DENND1A: variants seen among roughly 807,000 people sequenced by gnomAD.
DENND1A encodes the protein DENN domain-containing protein 1A.
DENND1A carries 51 observed loss-of-function variants against 113.7 expected under a neutral mutation model. The observed-to-expected ratio is 0.45, with a 90% CI of 0.36 to 0.57. The LOEUF (loss-of-function observed/expected upper bound fraction) is 0.57, where lower values mean the gene tolerates loss of function less well. Ranked by LOEUF, DENND1A falls within the 20% of genes least tolerant of loss-of-function variation. The pLI is 0.00. For missense variants in DENND1A, 1,258 were observed against 1,395.9 expected, an observed-to-expected ratio of 0.90 and a Z score of 1.57; for synonymous variants, 565 against 570.8, an observed-to-expected ratio of 0.99 and a Z score of 0.14.
chr9:123,896,793 G>T (rs755908042), intron 1 of DENND1A, among the ~76,000 whole-genome samples: 1 of 152,112 alleles, frequency 6.6e-6, no homozygotes, highest in African/African-American at 2.4e-5. Context: ...TGAACTTAAA[G>T]AAATGATACA....
At chr9:123,765,296 C>G (rs893066439) in intron 4 of DENND1A, among the ~76,000 whole-genome samples, 1 of 152,038 alleles carries the variant, frequency 6.6e-6, no homozygotes, top group Non-Finnish European at 1.5e-5. Context: ...GTAGTGAGAC[C>G]TTGGGTAGTT....
intron 1 of DENND1A, among the ~76,000 whole-genome samples, chr9:123,886,636 A>G (rs930445470): frequency 1.2e-4 from 18 of 152,208 alleles, no homozygotes; most frequent in Non-Finnish European, 1.9e-4. Flanking sequence ...AGCTAGAAAA[A>G]CAAGCAAAAA....
At chr9:123,853,507 T>C (rs185262362) in intron 2 of DENND1A, among the ~76,000 whole-genome samples, 102 of 151,674 alleles carry the variant, frequency 6.7e-4, no homozygotes, top group Non-Finnish European at 1.0e-3. Context: ...CTACTAAAAA[T>C]ACAGAAATTA....
intron 1 of DENND1A, among the ~76,000 whole-genome samples, chr9:123,899,560 T>TG (rs1184228658): frequency 8.5e-5 from 13 of 152,340 alleles, no homozygotes; most frequent in African/African-American, 3.1e-4. Flanking sequence ...TGCTACTCCC[T>TG]GTCTATTCTG....
chr9:123,914,315 G>A (rs1854645921), intron 1 of DENND1A, among the ~76,000 whole-genome samples: 2 of 151,776 alleles, frequency 1.3e-5, no homozygotes, highest in African/African-American at 2.4e-5. Context: ...GAGGTGGGTG[G>A]ATCACGAGGT....
chr9:123,673,499 T>C (rs1249151838), intron 6 of DENND1A, among the ~76,000 whole-genome samples: 2 of 152,242 alleles, frequency 1.3e-5, no homozygotes, highest in African/African-American at 4.8e-5. Flanking sequence ...TCTTATACTT[T>C]CCCTGCCTCA....
chr9:123,825,754 G>A (rs1221075833), intron 2 of DENND1A, among the ~76,000 whole-genome samples: 1 of 152,230 alleles, frequency 6.6e-6, no homozygotes. Context: ...GGAAGATGTG[G>A]TTGACTGTAA....
At chr9:123,644,378 CAAAAAA>C (rs10541486) in intron 9 of DENND1A, among the ~76,000 whole-genome samples, 2 of 84,062 alleles carry the variant, frequency 2.4e-5, no homozygotes, top group Non-Finnish European at 4.3e-5. Flanking sequence ...TTACAAGCTA[CAAAAAA>C]AAAAAAAAAA....
At chr9:123,892,783 A>C (rs1382309912) in intron 1 of DENND1A, among the ~76,000 whole-genome samples, 1 of 152,216 alleles carries the variant, frequency 6.6e-6, no homozygotes, top group Non-Finnish European at 1.5e-5. Context: ...GGAGTTGAAG[A>C]CCAGCCTGGC....
intron 19 of DENND1A, among the ~76,000 whole-genome samples, chr9:123,427,016 A>T (rs2045785249): frequency 6.6e-6 from 1 of 152,230 alleles, no homozygotes; most frequent in Non-Finnish European, 1.5e-5. Context: ...AAAACATTCC[A>T]TCTATTTCAC....
chr9:123,698,130 T>C (rs1004393221), intron 5 of DENND1A, among the ~76,000 whole-genome samples: 8 of 151,778 alleles, frequency 5.3e-5, no homozygotes, highest in African/African-American at 1.2e-4. Context: ...CATATGGGGG[T>C]TGTGGAGGGG....
rs79341583 is a variant in DENND1A, at chr9:123,817,183, G to T, written c.89-24553C>A. On this transcript the variant is annotated intron_variant, in intron 2 of 23. Transcript: ENST00000394215. ...TCCATGGTCAAAATATAAGTGAAAA[G>T]GGACAAAGATTTGTACCCAGTCTTT... Among the ~76,000 whole-genome samples, 510 of 152,220 alleles carry T rather than the reference G, an allele frequency of 3.4e-3. 15 individuals carry two copies. In the East Asian group the frequency reaches 0.069, roughly 21 times the overall value.
chr9:123,873,435 C>T (rs1470072041), intron 2 of DENND1A, among the ~76,000 whole-genome samples: 2 of 152,178 alleles, frequency 1.3e-5, no homozygotes, highest in Admixed American at 6.5e-5. Flanking sequence ...TACATGACTT[C>T]ACTAGTGTAG....
At chr9:123,905,533 CA>C (rs1181856339) in intron 1 of DENND1A, among the ~76,000 whole-genome samples, 2 of 134,796 alleles carry the variant, frequency 1.5e-5, no homozygotes, top group East Asian at 2.1e-4. Context: ...AAATGGAAAA[CA>C]AAAAAAGGCA....
chr9:123,918,360 C>G (rs1234139695), intron 1 of DENND1A, among the ~76,000 whole-genome samples: 4 of 151,720 alleles, frequency 2.6e-5, no homozygotes, highest in Non-Finnish European at 5.9e-5. Flanking sequence ...TGGCGGCGGG[C>G]GCCTGTACTC....
At chr9:123,651,919 G>A in intron 9 of DENND1A, 94 bp downstream of exon 9, 1 of 1,064,512 alleles carries the variant, frequency 9.4e-7, no homozygotes, top group Non-Finnish European at 1.4e-6. Flanking sequence ...GACTGTAGCT[G>A]ACTCCTTTTT....
At chr9:123,795,299 T>C (rs1441963825) in intron 2 of DENND1A, among the ~76,000 whole-genome samples, 1 of 152,198 alleles carries the variant, frequency 6.6e-6, no homozygotes, top group Non-Finnish European at 1.5e-5. Flanking sequence ...TGCAAATAAT[T>C]TATTTGAATT....
intron 5 of DENND1A, among the ~76,000 whole-genome samples, chr9:123,734,446 G>A (rs1389987849): frequency 4.6e-5 from 7 of 152,038 alleles, no homozygotes; most frequent in African/African-American, 7.2e-5. Flanking sequence ...TGCATGTCTC[G>A]GGGATCACTG....
intron 2 of DENND1A, among the ~76,000 whole-genome samples, chr9:123,820,596 C>A (rs1422270585): frequency 6.6e-6 from 1 of 152,160 alleles, no homozygotes; most frequent in Non-Finnish European, 1.5e-5. Context: ...CCCAGCCAAT[C>A]CACAGAAGCA....
Sources: allele counts gnomAD v4.1 joint callset (sites outside exome capture counted in the v4.1 genomes callset), GRCh38; gene constraint gnomAD v4.1.1; transcripts MANE v1.5; gene names NCBI Gene and HGNC (gene_info 2026-07-23, HGNC 2026-07-21).